The following EEFSEC variants were observed in gnomAD, a reference collection of about 807,000 sequenced individuals.
The protein encoded by EEFSEC is selenocysteine-specific elongation factor.
EEFSEC carries 43 observed loss-of-function variants against 42.1 expected under a neutral mutation model. The observed-to-expected ratio is 1.02, with a 90% CI of 0.80 to 1.32. The LOEUF (loss-of-function observed/expected upper bound fraction) is 1.32, where lower values mean the gene tolerates loss of function less well. Ranked by LOEUF, EEFSEC falls within the 40% of genes most tolerant of loss-of-function variation. The pLI is 0.00. For missense variants in EEFSEC, 745 were observed against 803.6 expected, an observed-to-expected ratio of 0.93 and a Z score of 0.88; for synonymous variants, 354 against 339.1, an observed-to-expected ratio of 1.04 and a Z score of -0.48.
chr3:128,228,666 C>T lies in EEFSEC; in HGVS notation c.317-18170C>T, dbSNP rs150583800. Reference sequence around the variant, plus strand: ...ATAGCACTACTAGATACCAGGTCCGCGGCCTGAGTGGGGTCTGATCCTGTC... The same window carrying T: ...ATAGCACTACTAGATACCAGGTCCGTGGCCTGAGTGGGGTCTGATCCTGTC... On this transcript the variant is annotated intron_variant, in intron 1 of 6. Coordinates refer to ENST00000254730, the MANE Select transcript of EEFSEC (RefSeq NM_021937.5). Among the ~76,000 whole-genome samples the T allele has an allele frequency of 2.5e-3, 376 of 152,130 alleles. 3 individuals are homozygous for T. Among genetic ancestry groups the T allele is most frequent in the African/African-American group, 8.4e-3 (348 of 41,490 alleles).
intron 4 of EEFSEC, among the ~76,000 whole-genome samples, chr3:128,332,240 G>A (rs751790618): frequency 4.6e-5 from 7 of 152,034 alleles, no homozygotes; most frequent in Non-Finnish European, 7.4e-5. Context: ...CCAATATATT[G>A]CTGCAGGAGG....
chr3:128,261,828 G>A (rs2066299881), intron 2 of EEFSEC, among the ~76,000 whole-genome samples: 1 of 152,110 alleles, frequency 6.6e-6, no homozygotes, highest in South Asian at 2.1e-4. Flanking sequence ...GAAGCCTAGG[G>A]GCCAGGATCA....
intron 4 of EEFSEC, among the ~76,000 whole-genome samples, chr3:128,321,064 C>A (rs1480369218): frequency 6.6e-6 from 1 of 152,138 alleles, no homozygotes; most frequent in Non-Finnish European, 1.5e-5. Flanking sequence ...AGGGATGGCA[C>A]AAATATGTGT....
At chr3:128,189,045 C>T (rs561902024) in intron 1 of EEFSEC, among the ~76,000 whole-genome samples, 1 of 152,272 alleles carries the variant, frequency 6.6e-6, no homozygotes, top group East Asian at 1.9e-4. Context: ...GGGGGGGCTC[C>T]CAAAGTTGGA....
chr3:128,365,936 C>T (rs1054361456), intron 6 of EEFSEC, among the ~76,000 whole-genome samples: 2 of 152,222 alleles, frequency 1.3e-5, no homozygotes, highest in African/African-American at 4.8e-5. Context: ...ATGTCTCTCC[C>T]GGGACCAGTA....
intron 3 of EEFSEC, among the ~76,000 whole-genome samples, chr3:128,264,407 A>G (rs2066330177): frequency 6.6e-6 from 1 of 152,198 alleles, no homozygotes; most frequent in African/African-American, 2.4e-5. Context: ...CTGAGCGGAA[A>G]GAGCTGAGAG....
chr3:128,265,136 A>T (rs568454750), intron 4 of EEFSEC, among the ~76,000 whole-genome samples: 2 of 106,840 alleles, frequency 1.9e-5, no homozygotes, highest in South Asian at 3.5e-4. Flanking sequence ...GCTGGAGGGG[A>T]AACCTCCCTT....
intron 5 of EEFSEC, among the ~76,000 whole-genome samples, chr3:128,348,804 G>A (rs1482301543): frequency 2.0e-5 from 3 of 152,194 alleles, no homozygotes; most frequent in Non-Finnish European, 4.4e-5. Flanking sequence ...TCCCCAGGAG[G>A]TTACTTGCAT....
rs115957816 is a variant in EEFSEC, at chr3:128,213,443, T to C, written c.317-33393T>C. Among the ~76,000 whole-genome samples the C allele has an allele frequency of 2.3e-3, 346 of 152,316 alleles. 1 individual carries two copies. The highest frequency in any genetic ancestry group is 7.6e-3 in the African/African-American group (315 of 41,576). On this transcript the variant is annotated intron_variant, in intron 1 of 6. Coordinates refer to ENST00000254730, the MANE Select transcript of EEFSEC (RefSeq NM_021937.5). ...TGTTTTCTTGTCTGTACCTGAAGAA[T>C]TGACACTTCAGATACCTGGCCCAGT...
At chr3:128,180,733 G>A (rs1026039730) in intron 1 of EEFSEC, among the ~76,000 whole-genome samples, 1 of 152,224 alleles carries the variant, frequency 6.6e-6, no homozygotes, top group Non-Finnish European at 1.5e-5. Context: ...AGCAGGTCCA[G>A]AGCCAGCAGA....
At chr3:128,363,378 T>G (rs2067551894) in intron 6 of EEFSEC, among the ~76,000 whole-genome samples, 1 of 152,212 alleles carries the variant, frequency 6.6e-6, no homozygotes, top group South Asian at 2.1e-4. Context: ...CCAGAGCACC[T>G]CACTCTCAAC....
intron 6 of EEFSEC, among the ~76,000 whole-genome samples, chr3:128,362,814 C>T (rs1043547676): frequency 2.8e-4 from 42 of 152,332 alleles, no homozygotes; most frequent in African/African-American, 9.1e-4. Flanking sequence ...GCAGCGGGTG[C>T]TGCTCACGTG....
chr3:128,198,535 C>T (rs149297593), intron 1 of EEFSEC, among the ~76,000 whole-genome samples: 201 of 152,322 alleles, frequency 1.3e-3, no homozygotes, highest in Non-Finnish European at 2.1e-3. Flanking sequence ...TCTTCTTGCA[C>T]AAGGCCAGCC....
chr3:128,257,442 C>T (rs1307781567), intron 2 of EEFSEC, among the ~76,000 whole-genome samples: 2 of 152,206 alleles, frequency 1.3e-5, no homozygotes, highest in Non-Finnish European at 2.9e-5. Flanking sequence ...AGCCCACTAA[C>T]TAGAGCTCCA....
At chr3:128,162,503 G>A (rs2065200587) in intron 1 of EEFSEC, among the ~76,000 whole-genome samples, 1 of 152,210 alleles carries the variant, frequency 6.6e-6, no homozygotes, top group Non-Finnish European at 1.5e-5. Context: ...GGAGACTCAA[G>A]TTGAGCTTTG....
intron 4 of EEFSEC, among the ~76,000 whole-genome samples, chr3:128,269,666 C>T (rs1195026867): frequency 2.6e-5 from 4 of 152,212 alleles, no homozygotes; most frequent in African/African-American, 9.6e-5. Flanking sequence ...GCCCCCGTTT[C>T]TGTTGCCCAG....
rs550745612 is a variant in EEFSEC, at chr3:128,267,025, C to CT, written c.786+2246dup. Among the ~76,000 whole-genome samples the CT allele has an allele frequency of 2.0e-4, 31 of 152,146 alleles. No homozygotes were observed. In the South Asian group the frequency reaches 6.2e-3, roughly 31 times the overall value. On this transcript the variant is annotated intron_variant, in intron 4 of 6. Transcript: ENST00000254730. ...CCCTTCCACTCTGGGAGAAGACATG[C>CT]TTGCAGCTTGGGAGAGGACCTGGGA...
intron 5 of EEFSEC, among the ~76,000 whole-genome samples, chr3:128,343,755 C>T (rs965668706): frequency 5.9e-5 from 9 of 152,144 alleles, no homozygotes; most frequent in African/African-American, 2.2e-4. Flanking sequence ...GCCTCAATGA[C>T]TCATGCCTCC....
intron 4 of EEFSEC, among the ~76,000 whole-genome samples, chr3:128,330,783 CCTCAGTGCATCTCCCCTCTTCCCCA>C (rs2067119430): frequency 7.0e-6 from 1 of 143,484 alleles, no homozygotes; most frequent in Non-Finnish European, 1.5e-5. Context: ...CTTCCCCCTT[CCTCAGTGCATCTCCCCTCTTCCCCA>C]TTCCTCAGTG....
Sources: allele counts gnomAD v4.1 joint callset (sites outside exome capture counted in the v4.1 genomes callset), GRCh38; gene constraint gnomAD v4.1.1; transcripts MANE v1.5; gene names NCBI Gene and HGNC (gene_info 2026-07-23, HGNC 2026-07-21).